The following SELENOF variants were observed in gnomAD, a reference collection of about 807,000 sequenced individuals.
SELENOF encodes the protein 15 kDa selenoprotein.
In SELENOF, 16 loss-of-function variants were observed where a neutral mutation model predicts 20.5. The observed-to-expected ratio is 0.78, with a 90% CI of 0.53 to 1.19. The LOEUF (loss-of-function observed/expected upper bound fraction) is 1.19, where lower values mean the gene tolerates loss of function less well. Among genes scored for constraint, SELENOF ranks in the 50% most tolerant of loss-of-function variants. The pLI is 0.00. For synonymous variants in SELENOF, 78 were observed against 74.5 expected (o/e 1.05, Z -0.24); for missense variants, 215 against 194.2 (o/e 1.11, Z -0.64).
intron 2 of SELENOF, among the ~76,000 whole-genome samples, chr1:86,897,712 T>C (rs764718212): frequency 1.3e-5 from 2 of 152,150 alleles, no homozygotes; most frequent in South Asian, 2.1e-4. Context: ...GTGATCCAAC[T>C]AGGACAAACA....
chr1:86,878,895 T>A lies in SELENOF; in HGVS notation c.316+1767A>T, dbSNP rs534964215. Among the ~76,000 whole-genome samples, 75 of 152,280 alleles carry A rather than the reference T, an allele frequency of 4.9e-4. 1 individual carries two copies. The South Asian group carries it at 0.015, about 30-fold the overall frequency. ...TGGTATTATACATAACAATATTAAA[T>A]ACAGTTACACATTATGGAATTAATA... is the stretch of plus-strand genomic sequence containing the variant. On this transcript the variant is annotated intron_variant, in intron 3 of 4. Transcript: ENST00000331835.
intron 1 of SELENOF, among the ~76,000 whole-genome samples, chr1:86,906,783 C>T (rs1325017991): frequency 2.0e-5 from 3 of 152,308 alleles, no homozygotes; most frequent in African/African-American, 7.2e-5. Context: ...CAAGCCATCC[C>T]TGCTGTGCCC....
chr1:86,877,798 T>A (rs747443229), intron 3 of SELENOF, among the ~76,000 whole-genome samples: 2 of 152,222 alleles, frequency 1.3e-5, no homozygotes, highest in Non-Finnish European at 2.9e-5. Flanking sequence ...GTGACGTGCA[T>A]TCGTTTAAGA....
chr1:86,882,251 A>C (rs1659092446), intron 2 of SELENOF, among the ~76,000 whole-genome samples: 1 of 89,990 alleles, frequency 1.1e-5, no homozygotes, highest in Non-Finnish European at 2.2e-5. Context: ...CTGTCTCAAA[A>C]AAAAAAAAAA....
At chr1:86,873,894 G>A (rs1416176376) in intron 3 of SELENOF, among the ~76,000 whole-genome samples, 1 of 151,680 alleles carries the variant, frequency 6.6e-6, no homozygotes, top group Non-Finnish European at 1.5e-5. Context: ...GCCATGTTTG[G>A]CTAGTTGGTC....
chr1:86,900,423 CA>C (rs35864715), intron 2 of SELENOF, among the ~76,000 whole-genome samples: 17,549 of 152,066 alleles, frequency 0.12, 1,611 homozygotes, highest in African/African-American at 0.25. Flanking sequence ...CCGTCTCCAC[CA>C]AAAAAATACG....
intron 3 of SELENOF, among the ~76,000 whole-genome samples, chr1:86,872,726 A>G (rs889983053): frequency 4.6e-5 from 7 of 151,764 alleles, no homozygotes; most frequent in Admixed American, 3.9e-4. Flanking sequence ...AACATGGTGG[A>G]AACCCCGTCT....
At chr1:86,894,607 AG>A (rs1659473007) in intron 2 of SELENOF, among the ~76,000 whole-genome samples, 1 of 152,172 alleles carries the variant, frequency 6.6e-6, no homozygotes, top group Admixed American at 6.5e-5. Flanking sequence ...TGGGAGTCCC[AG>A]GGAGAGGATA....
chr1:86,874,203 T>A (rs1039987597), intron 3 of SELENOF, among the ~76,000 whole-genome samples: 4 of 152,076 alleles, frequency 2.6e-5, no homozygotes, highest in African/African-American at 9.7e-5. Flanking sequence ...ACGCCTGACC[T>A]CGTGATCTGC....
At chr1:86,866,980 T>C (rs907452151) in intron 4 of SELENOF, among the ~76,000 whole-genome samples, 1 of 152,222 alleles carries the variant, frequency 6.6e-6, no homozygotes, top group East Asian at 1.9e-4. Context: ...TGAAAACTTA[T>C]GTGTACACAG....
At chr1:86,881,830 T>C (rs1198709708) in intron 2 of SELENOF, among the ~76,000 whole-genome samples, 2 of 152,100 alleles carry the variant, frequency 1.3e-5, no homozygotes, top group Non-Finnish European at 2.9e-5. Context: ...GAGAATCTGA[T>C]AGAATTTCGC....
intron 2 of SELENOF, among the ~76,000 whole-genome samples, chr1:86,894,517 T>C (rs904911806): frequency 6.6e-6 from 1 of 152,200 alleles, no homozygotes; most frequent in African/African-American, 2.4e-5. Context: ...CCTTCAATTT[T>C]CTGACTAGGT....
At chr1:86,907,907 A>G (rs958052299) in intron 1 of SELENOF, among the ~76,000 whole-genome samples, 34 of 150,280 alleles carry the variant, frequency 2.3e-4, no homozygotes, top group African/African-American at 7.1e-4. Context: ...AATCGCTTGA[A>G]CCCGGGAGGC....
intron 3 of SELENOF, among the ~76,000 whole-genome samples, chr1:86,877,632 T>G (rs532206538): frequency 5.3e-5 from 8 of 152,212 alleles, no homozygotes; most frequent in Non-Finnish European, 5.9e-5. Flanking sequence ...GATTTAAGAT[T>G]TTTGAATTAT....
At chr1:86,903,579 A>C (rs1659757681) in intron 1 of SELENOF, 131 bp from the exon 2 acceptor site, 1 of 628,648 alleles carries the variant, frequency 1.6e-6, no homozygotes, top group Non-Finnish European at 2.5e-6. Context: ...TTTGGAGATA[A>C]ATTCTTTTAA....
At chr1:86,888,274 A>C (rs1014410991) in intron 2 of SELENOF, among the ~76,000 whole-genome samples, 6 of 151,872 alleles carry the variant, frequency 4.0e-5, no homozygotes, top group East Asian at 3.9e-4. Flanking sequence ...AAAAAAAAAA[A>C]AACAACAAAA....
At chr1:86,882,640 A>G (rs1174666383) in intron 2 of SELENOF, among the ~76,000 whole-genome samples, 5 of 152,232 alleles carry the variant, frequency 3.3e-5, no homozygotes, top group African/African-American at 1.2e-4. Context: ...ATGATCTGCA[A>G]TTCTACTTCT....
intron 4 of SELENOF, among the ~76,000 whole-genome samples, chr1:86,864,698 G>A (rs1406376522): frequency 1.3e-5 from 2 of 150,764 alleles, no homozygotes; most frequent in Non-Finnish European, 2.9e-5. Context: ...GTGCAATGGC[G>A]TGATCTCGGT....
Position 86,902,882 on chromosome 1 carries a change from T to C in SELENOF, c.252+399A>G, listed in dbSNP as rs184226484. On this transcript the variant is annotated intron_variant, in intron 2 of 4. Coordinates refer to ENST00000331835, the MANE Select transcript of SELENOF (RefSeq NM_004261.5). ...CCAGATTTCATGTTACAATTTATTG[T>C]AGACAATTAAGTGCCAGGTATTATG... Among the ~76,000 whole-genome samples, 4 of 152,376 alleles carry C rather than the reference T, an allele frequency of 2.6e-5. No homozygotes were observed. In the East Asian group the frequency reaches 5.8e-4, roughly 22 times the overall value.
Sources: gnomAD v4.1 joint callset for allele counts (sites outside exome capture counted in the v4.1 genomes callset) on GRCh38, gnomAD v4.1.1 for gene constraint, MANE v1.5 for transcripts, NCBI Gene and HGNC (gene_info 2026-07-23, HGNC 2026-07-21) for gene names.